LRRC9: variants seen among roughly 807,000 people sequenced by gnomAD.
LRRC9 encodes leucine rich repeat containing 9, also known as leucine-rich repeat-containing protein 9.
LRRC9 carries 122 observed loss-of-function variants against 63.2 expected under a neutral mutation model. That is an observed-to-expected ratio of 1.93 (90% CI 1.67 to 2.24). The LOEUF is 2.24. Among genes scored for constraint, LRRC9 ranks in the 30% most tolerant of loss-of-function variants. The probability of loss-of-function intolerance (pLI) is 0.00; values close to 1 mark genes in which losing one functional copy is unlikely to be tolerated. For synonymous variants in LRRC9, 366 were observed against 213.1 expected (o/e 1.72, Z -6.25); for missense variants, 1,071 against 627.7 (o/e 1.71, Z -7.55).
intron 23 of LRRC9, among the ~76,000 whole-genome samples, chr14:60,010,241 A>T (rs219378): frequency 0.85 from 129,652 of 152,218 alleles, 55,631 homozygotes; most frequent in Non-Finnish European, 0.9. Context: ...CCATACACCC[A>T]CTGAAATCTA....
In LRRC9 at chr14:60,017,643, G is replaced by A. The variant is rs547808916; in HGVS notation, c.3318-728G>A. Among the ~76,000 whole-genome samples, 1 of 152,100 alleles carries A rather than the reference G, an allele frequency of 6.6e-6. No homozygotes were observed. The highest frequency in any genetic ancestry group is 2.4e-5 in the African/African-American group (1 of 41,518). On this transcript the variant is annotated intron_variant, in intron 24 of 31. Transcript: ENST00000445360. This position sits in a 1 kb window ranked among gnomAD's most constrained non-coding sequence, Gnocchi z 4.0. ...TTTCCAAACACATCCGCTGCACTTA[G>A]GAAATACTAATGGAAATATGTTGAC...
chr14:60,018,245 T>G (rs996450906), intron 24 of LRRC9, 126 bp from the exon 25 acceptor site: 1 of 617,210 alleles, frequency 1.6e-6, no homozygotes, highest in Non-Finnish European at 2.9e-6. Context: ...TTAAAGTAAT[T>G]ATTTTTATAC....
chr14:59,944,866 TCACACACACACACA>T, intron 8 of LRRC9, 122 bp downstream of exon 8: 1 of 383,112 alleles, frequency 2.6e-6, no homozygotes, highest in Non-Finnish European at 4.6e-6. Flanking sequence ...ACACACACAC[TCACACACACACACA>T]CACACATATG....
chr14:60,008,072 A>G lies in LRRC9; in HGVS notation c.3064-20A>G, dbSNP rs1250401497. 8 of 661,984 alleles carry G rather than the reference A, an allele frequency of 1.2e-5. No individual in the cohort carries two copies. Among genetic ancestry groups the G allele is most frequent in the South Asian group, 1.7e-5 (1 of 59,826 alleles). 41.0% of individuals were successfully genotyped at this position (661,984 alleles called of 1,614,324 possible). A position where few individuals can be genotyped will look rare whatever the true frequency, so the allele number is the denominator to read the frequency against. On this transcript the variant is annotated intron_variant, in intron 22 of 31. Coordinates refer to ENST00000445360, the Ensembl canonical transcript of LRRC9. ...GCTTTAAATATACATATAGATGAAT[A>G]TATGTATTTTATTACCTAGGGTTTA...
intron 29 of LRRC9, among the ~76,000 whole-genome samples, chr14:60,040,387 A>G (rs219417): frequency 0.76 from 114,800 of 151,598 alleles, 45,534 homozygotes; most frequent in Non-Finnish European, 0.87. Context: ...ATTATTGTGT[A>G]GGAGTCTCAG....
chr14:60,057,527 A>C (rs1178697447), intron 30 of LRRC9: 1 of 161,704 alleles, frequency 6.2e-6, no homozygotes, highest in Admixed American at 6.4e-5. Context: ...ACAAAAAAAG[A>C]AAAAGCATTA....
chr14:59,928,539 C>A, intron 3 of LRRC9, 53 bp downstream of exon 3: 1 of 525,600 alleles, frequency 1.9e-6, no homozygotes, highest in South Asian at 3.2e-5. Context: ...AATTATTTGG[C>A]TTTAGAAAAA....
chr14:60,006,754 G>A (rs1470426612), intron 22 of LRRC9, 137 bp downstream of exon 22: 4 of 533,294 alleles, frequency 7.5e-6, no homozygotes, highest in Non-Finnish European at 1.3e-5. Context: ...TTATTAAAAT[G>A]TATTTGCATT....
chr14:60,007,087 T>C (rs979477853), intron 22 of LRRC9, among the ~76,000 whole-genome samples: 3 of 152,220 alleles, frequency 2.0e-5, no homozygotes, highest in African/African-American at 7.2e-5. Flanking sequence ...TCAAATGTCA[T>C]GTGTGACTTC....
intron 7 of LRRC9, among the ~76,000 whole-genome samples, chr14:59,944,353 A>G (rs144691333): frequency 1.3e-5 from 2 of 152,036 alleles, no homozygotes; most frequent in East Asian, 3.9e-4. Context: ...ATAAATGTGA[A>G]TACGCCTCAC....
chr14:59,996,389 C>A (rs1432067183), intron 17 of LRRC9, among the ~76,000 whole-genome samples: 1 of 152,114 alleles, frequency 6.6e-6, no homozygotes, highest in Admixed American at 6.5e-5. Context: ...GAAACCTGAA[C>A]CACTATAAGA....
chr14:60,024,708 T>A (rs1891384635), intron 27 of LRRC9, among the ~76,000 whole-genome samples: 1 of 151,990 alleles, frequency 6.6e-6, no homozygotes, highest in African/African-American at 2.4e-5. Flanking sequence ...AAGGGGTACA[T>A]GTGTATGTTT....
chr14:60,065,999 G>A (rs1217471888), downstream of LRRC9, among the ~76,000 whole-genome samples: 1 of 151,944 alleles, frequency 6.6e-6, no homozygotes, highest in Non-Finnish European at 1.5e-5. Context: ...AAAAATTTTT[G>A]TAGAGATGGA....
At position 60,031,991 on chromosome 14, in the gene LRRC9, A is replaced by C. The variant is rs778876739; in HGVS notation, c.3922-4A>C. 3 of 699,234 alleles carry C rather than the reference A, an allele frequency of 4.3e-6. No individual in the cohort carries two copies. Among genetic ancestry groups the C allele is most frequent in the Admixed American group, 4.0e-5 (2 of 49,658 alleles). 43.3% of individuals were successfully genotyped at this position (699,234 alleles called of 1,614,324 possible). ...TAATAACTTACTGATTAACTTTTGA[A>C]TAGGATATCACAGAACTGGAAAAAC... On this transcript the variant is annotated splice_polypyrimidine_tract_variant and splice_region_variant and intron_variant, in intron 28 of 31. Coordinates refer to ENST00000445360, the Ensembl canonical transcript of LRRC9. The surrounding 1 kb of genome is among the most constrained non-coding windows in gnomAD (Gnocchi z 4.6).
In LRRC9 at chr14:60,028,116, T is replaced by A; in HGVS notation, c.3921+15T>A. 2 of 680,308 alleles carry A rather than the reference T, an allele frequency of 2.9e-6. No individual in the cohort carries two copies. The highest frequency in any genetic ancestry group is 4.8e-4 in the Middle Eastern group (2 of 4,180). 42.1% of individuals were successfully genotyped at this position (680,308 alleles called of 1,614,324 possible). ...ATAAAATCCAGGTAACATTATTATT[T>A]TTTTATTATGGGATTTACAAGCTTT... On this transcript the variant is annotated intron_variant, in intron 28 of 31. Transcript: ENST00000445360.
intron 17 of LRRC9, among the ~76,000 whole-genome samples, chr14:59,996,548 T>C (rs2140180767): frequency 6.6e-6 from 1 of 152,096 alleles, no homozygotes; most frequent in Middle Eastern, 3.4e-3. Flanking sequence ...AAGATGAAGA[T>C]ATGAATAGAT....
chr14:60,034,504 G>A (rs1892268417), intron 29 of LRRC9, among the ~76,000 whole-genome samples: 1 of 151,296 alleles, frequency 6.6e-6, no homozygotes, highest in Non-Finnish European at 1.5e-5. Context: ...TCTCATCCCC[G>A]CTCCCCGTCC....
intron 7 of LRRC9, among the ~76,000 whole-genome samples, chr14:59,940,860 A>C (rs988600533): frequency 1.3e-5 from 2 of 152,072 alleles, no homozygotes; most frequent in African/African-American, 4.8e-5. Flanking sequence ...TAATTAGTCT[A>C]ATTTCTTTTT....
chr14:59,973,927 A>G (rs1482021596), intron 12 of LRRC9, among the ~76,000 whole-genome samples: 1 of 152,136 alleles, frequency 6.6e-6, no homozygotes, highest in Non-Finnish European at 1.5e-5. Context: ...CTGAGTTCAA[A>G]TCGTGACTTT....
Sources: gnomAD v4.1 joint callset for allele counts (sites outside exome capture counted in the v4.1 genomes callset) on GRCh38, gnomAD v4.1.1 for gene constraint, Gnocchi (gnomAD v3.1) non-coding constraint, MANE v1.5 for transcripts, NCBI Gene and HGNC (gene_info 2026-07-23, HGNC 2026-07-21) for gene names.